PCDHGB7: variants seen among roughly 807,000 people sequenced by gnomAD.
PCDHGB7 encodes the protein protocadherin gamma subfamily B, 7.
PCDHGB7 carries 37 observed loss-of-function variants against 61.4 expected under a neutral mutation model. The ratio of observed to expected loss-of-function variants is 0.60; its 90% CI spans 0.46 to 0.79. PCDHGB7 has a LOEUF of 0.79. Among genes scored for constraint, PCDHGB7 ranks in the 30% least tolerant of loss-of-function variants. The pLI, the probability that PCDHGB7 is intolerant of heterozygous loss-of-function variation, is 0.00. For missense variants in PCDHGB7, 1,166 were observed against 1,202.5 expected (o/e 0.97, Z 0.45); for synonymous variants, 464 against 503.5 (o/e 0.92, Z 1.05).
chr5:141,456,700 C>G (rs1420857227), intron 1 of PCDHGB7, among the ~76,000 whole-genome samples: 2 of 152,060 alleles, frequency 1.3e-5, no homozygotes, highest in Admixed American at 1.3e-4. Flanking sequence ...CGTGGTGGCT[C>G]GCGCCTGTAA....
chr5:141,422,150 T>C (rs773805631), intron 1 of PCDHGB7: 23 of 1,577,056 alleles, frequency 1.5e-5, no homozygotes, highest in Non-Finnish European at 1.8e-5. Context: ...CGGGGGTCTC[T>C]GGATTTTGAA....
At chr5:141,462,116 C>T (rs535029363) in intron 1 of PCDHGB7, among the ~76,000 whole-genome samples, 3 of 152,152 alleles carry the variant, frequency 2.0e-5, no homozygotes, top group Admixed American at 1.3e-4. Context: ...AGCCACTGCA[C>T]CCAGTCCAAT....
At position 141,432,781 on chromosome 5, in the gene PCDHGB7, C is replaced by T. The variant is rs761954375; in HGVS notation, c.2415+12507C>T. On this transcript the variant is annotated intron_variant, in intron 1 of 3. Coordinates refer to ENST00000398594, the MANE Select transcript of PCDHGB7 (RefSeq NM_018927.4). This position sits in a 1 kb window ranked among gnomAD's most constrained non-coding sequence, Gnocchi z 6.0. ...ACAGCATCCCCCAAGTCCTGGCGGA[C>T]CTCGGCAGCCTCGAGTCTCCAGCTA... The T allele has an allele frequency of 3.1e-6, 5 of 1,614,064 alleles. No homozygotes were observed. The Admixed American group carries it at 8.3e-5, about 27-fold the overall frequency.
rs751214480 is a variant in PCDHGB7, at chr5:141,485,161, G to A, written c.2416-9646G>A. ...CGTCTCAGGAGCAAGTAGAGAATTA[G>A]CGGGCGGCAGCAATGCTCCGCAAGG... On this transcript the variant is annotated intron_variant, in intron 1 of 3. Transcript: ENST00000398594. The surrounding 1 kb of genome is among the most constrained non-coding windows in gnomAD (Gnocchi z 5.7). The A allele has an allele frequency of 8.1e-6, 13 of 1,603,712 alleles. No individual in the cohort carries two copies. The Admixed American group carries it at 2.0e-4, about 25-fold the overall frequency.
intron 1 of PCDHGB7, among the ~76,000 whole-genome samples, chr5:141,451,072 C>A (rs2098705989): frequency 6.6e-6 from 1 of 152,026 alleles, no homozygotes; most frequent in African/African-American, 2.4e-5. Context: ...TTGTGATCCA[C>A]CCACCTTGAC....
Position 141,510,866 on chromosome 5 carries a change from C to G in PCDHGB7, c.2564-81C>G. 1.9e-6 allele frequency: 3 copies of G among 1,607,908 alleles called. No homozygotes were observed. The East Asian group carries it at 6.7e-5, about 36-fold the overall frequency. ...AGGCCCAGGGTGCTGTATAGGCATT[C>G]ATTAACTGCTGGGGATATAAGACAG... On this transcript the variant is annotated intron_variant, in intron 3 of 3. Coordinates refer to ENST00000398594, the MANE Select transcript of PCDHGB7 (RefSeq NM_018927.4).
At chr5:141,507,084 T>G (rs2099858284) in intron 3 of PCDHGB7, 1 of 152,142 alleles carries the variant, frequency 6.6e-6, no homozygotes, top group African/African-American at 2.4e-5. Flanking sequence ...ACTCCTAAGT[T>G]TATGCTCTTT....
Position 141,432,400 on chromosome 5 carries a change from G to C in PCDHGB7, c.2415+12126G>C, listed in dbSNP as rs139153105. ...ACCCGCCCCTCAGCAGCAACGTGTC[G>C]TTGAGCCTGTTCGTGCTGGACCAGA... is the stretch of plus-strand genomic sequence containing the variant. On this transcript the variant is annotated intron_variant, in intron 1 of 3. Coordinates refer to ENST00000398594, the MANE Select transcript of PCDHGB7 (RefSeq NM_018927.4). This position sits in a 1 kb window ranked among gnomAD's most constrained non-coding sequence, Gnocchi z 6.0. 1.2e-6 allele frequency: 2 copies of C among 1,614,240 alleles called. No individual in the cohort carries two copies. Among genetic ancestry groups the C allele is most frequent in the South Asian group, 2.2e-5 (2 of 91,090 alleles).
rs765754054 is a variant in PCDHGB7 at position 141,503,598 on chromosome 5, CA to C, written c.2475-1779del. Among the ~76,000 whole-genome samples, 277 of 65,728 alleles carry C rather than the reference CA, an allele frequency of 4.2e-3. 2 individuals are homozygous for C. The highest frequency in any genetic ancestry group is 0.012 in the Middle Eastern group (1 of 86). The allele number at this position is 65,728 out of a possible 152,430, so 43.1% of individuals were successfully genotyped here. A position where few individuals can be genotyped will look rare whatever the true frequency, so the allele number is the denominator to read the frequency against. ...TGGGTGACAGAGCGAGACTCCAGCT[CA>C]AAAAAAAAAAAAAAAGAAAAAAGAA... On this transcript the variant is annotated intron_variant, in intron 2 of 3. Coordinates refer to ENST00000398594, the MANE Select transcript of PCDHGB7 (RefSeq NM_018927.4).
At chr5:141,501,423 A>G (rs1195105794) in intron 2 of PCDHGB7, among the ~76,000 whole-genome samples, 4 of 151,966 alleles carry the variant, frequency 2.6e-5, no homozygotes, top group African/African-American at 7.2e-5. Flanking sequence ...AGTTGACTAA[A>G]TGTAGTCCAT....
rs564367150 is a variant in PCDHGB7 at position 141,464,990 on chromosome 5, C to T, written c.2416-29817C>T. Among the ~76,000 whole-genome samples, 147 of 152,192 alleles carry T rather than the reference C, an allele frequency of 9.7e-4. 1 individual carries two copies. Among genetic ancestry groups the T allele is most frequent in the African/African-American group, 3.5e-3 (144 of 41,536 alleles). On this transcript the variant is annotated intron_variant, in intron 1 of 3. Transcript: ENST00000398594. ...CTACTGGCTTCAAGTGATCCTCCCA[C>T]CTCAGCCTCCCAAAGTGCTAAGATT...
intron 1 of PCDHGB7, among the ~76,000 whole-genome samples, chr5:141,484,322 T>C (rs2099594801): frequency 6.6e-6 from 1 of 152,214 alleles, no homozygotes; most frequent in Non-Finnish European, 1.5e-5. Flanking sequence ...TTCCATACTG[T>C]CCTTGAAATC....
chr5:141,509,684 C>G (rs572295300), intron 3 of PCDHGB7, among the ~76,000 whole-genome samples: 139 of 152,310 alleles, frequency 9.1e-4, no homozygotes, highest in Admixed American at 3.7e-3. Flanking sequence ...TTCTTCTGTA[C>G]AGTGGGACGT....
At position 141,433,030 on chromosome 5, in the gene PCDHGB7, T is replaced by C. The variant is rs116611363; in HGVS notation, c.2415+12756T>C. ...TCCTGCAGACCTATTCCCACGAGGTTTCCCTCACCACGGACTCGCGGAAGA... is the reference window on the plus strand; with the variant it reads ...TCCTGCAGACCTATTCCCACGAGGTCTCCCTCACCACGGACTCGCGGAAGA... On this transcript the variant is annotated intron_variant, in intron 1 of 3. Transcript: ENST00000398594. 10,352 of 1,614,096 alleles carry C rather than the reference T, an allele frequency of 6.4e-3. 43 individuals are homozygous for C. The highest frequency in any genetic ancestry group is 8.6e-3 in the Middle Eastern group (52 of 6,062).
In PCDHGB7 at chr5:141,419,471, G is replaced by A; in HGVS notation, c.1612G>A (p.Gly538Ser). 6.2e-7 allele frequency: 1 copy of A among 1,612,462 alleles called. No individual in the cohort carries two copies. Among genetic ancestry groups the A allele is most frequent in the Non-Finnish European group, 8.5e-7 (1 of 1,179,520 alleles). ...FELTLQARDQ[G>S]SPALSANVSL... ...GCTCACGCTGCAGGCCCGCGACCAG[G>A]GCTCGCCCGCGCTCAGCGCCAATGT... The change falls in exon 1 of 4, where the codon GGC becomes AGC. Residue 538 changes from glycine to serine, a missense_variant. Physicochemically the swap from Gly to Ser is moderately conservative, Grantham distance 56. Transcript: ENST00000398594.
chr5:141,444,594 T>C (rs2098442338), intron 1 of PCDHGB7, among the ~76,000 whole-genome samples: 1 of 152,244 alleles, frequency 6.6e-6, no homozygotes, highest in South Asian at 2.1e-4. Flanking sequence ...ACTTACCTTA[T>C]TTAAAATTGA....
At chr5:141,422,090 AGGCTTCTGAAATATTCCAATT>A (rs1561798894) in intron 1 of PCDHGB7, 11 of 1,611,852 alleles carry the variant, frequency 6.8e-6, no homozygotes, top group Non-Finnish European at 9.3e-6. Flanking sequence ...ATGGAAAGCA[AGGCTTCTGAAATATTCCAATT>A]GGATTCACAA....
chr5:141,467,756 T>A (rs1312303182), intron 1 of PCDHGB7, among the ~76,000 whole-genome samples: 5 of 151,988 alleles, frequency 3.3e-5, no homozygotes, highest in African/African-American at 1.2e-4. Flanking sequence ...CCGCCTCACA[T>A]GCTCAAGTGC....
In PCDHGB7 at chr5:141,487,472, G is replaced by A. The variant is rs2099645737; in HGVS notation, c.2416-7335G>A. The A allele has an allele frequency of 2.5e-6, 4 of 1,614,178 alleles. No individual in the cohort carries two copies. Among genetic ancestry groups the A allele is most frequent in the Non-Finnish European group, 3.4e-6 (4 of 1,180,036 alleles). Reference sequence around the variant, plus strand: ...CCCTATCAAGTTTGTTGATGTGGGAGGCCACTCTCATGGCTGTACACCCTT... The same window carrying A: ...CCCTATCAAGTTTGTTGATGTGGGAAGCCACTCTCATGGCTGTACACCCTT... On this transcript the variant is annotated intron_variant, in intron 1 of 3. Coordinates refer to ENST00000398594, the MANE Select transcript of PCDHGB7 (RefSeq NM_018927.4). This position sits in a 1 kb window ranked among gnomAD's most constrained non-coding sequence, Gnocchi z 5.0.
Sources: gnomAD v4.1 joint callset for allele counts (sites outside exome capture counted in the v4.1 genomes callset) on GRCh38, gnomAD v4.1.1 for gene constraint, Gnocchi (gnomAD v3.1) non-coding constraint, MANE v1.5 for transcripts, NCBI Gene and HGNC (gene_info 2026-07-23, HGNC 2026-07-21) for gene names.